Variants in ADD2 observed in about 807,000 individuals in gnomAD.
ADD2 encodes the protein adducin 2, also known as beta-adducin.
Under a neutral mutation model 83.0 loss-of-function variants are expected in ADD2, and 23 were observed. The observed-to-expected ratio is 0.28, with a 90% CI of 0.20 to 0.39. The LOEUF is 0.39. Ranked by LOEUF, ADD2 falls within the 10% of genes least tolerant of loss-of-function variation. The pLI, the probability that ADD2 is intolerant of heterozygous loss-of-function variation, is 1.00. For synonymous variants in ADD2, 375 were observed against 375.4 expected (o/e 1.00, Z 0.01); for missense variants, 758 against 944.9 (o/e 0.80, Z 2.59).
At chr2:70,693,745 A>G (rs782218515) in intron 6 of ADD2, among the ~76,000 whole-genome samples, 9 of 152,130 alleles carry the variant, frequency 5.9e-5, no homozygotes, top group Non-Finnish European at 1.3e-4. Flanking sequence ...CCACTTCCTC[A>G]GACATGTGGC....
chr2:70,694,669 C>T (rs1313958082), intron 6 of ADD2, among the ~76,000 whole-genome samples: 3 of 152,138 alleles, frequency 2.0e-5, no homozygotes, highest in Admixed American at 1.3e-4. Context: ...AGTCTGCTTA[C>T]CCCGCTGGTT....
chr2:70,723,060 CTA>C (rs1273738504), intron 1 of ADD2, among the ~76,000 whole-genome samples: 1 of 152,170 alleles, frequency 6.6e-6, no homozygotes, highest in African/African-American at 2.4e-5. Flanking sequence ...AGGCCCCAAA[CTA>C]TTTCTCTACA....
intron 4 of ADD2, among the ~76,000 whole-genome samples, chr2:70,701,862 C>G (rs1198791037): frequency 6.6e-6 from 1 of 152,066 alleles, no homozygotes; most frequent in Non-Finnish European, 1.5e-5. Flanking sequence ...CTAAACTTCT[C>G]TGATGGATAT....
intron 1 of ADD2, among the ~76,000 whole-genome samples, chr2:70,739,830 T>C (rs184508626): frequency 7.0e-4 from 106 of 152,192 alleles, no homozygotes; most frequent in African/African-American, 2.3e-3. Flanking sequence ...TGAGAACACA[T>C]GGACACAAAG....
intron 1 of ADD2, among the ~76,000 whole-genome samples, chr2:70,763,165 C>T (rs1675204972): frequency 1.3e-5 from 2 of 152,050 alleles, no homozygotes; most frequent in South Asian, 4.1e-4. Context: ...CTCTTCATCT[C>T]TTTCAGTAAC....
intron 1 of ADD2, among the ~76,000 whole-genome samples, chr2:70,713,905 G>A (rs1324443235): frequency 3.9e-5 from 6 of 152,022 alleles, no homozygotes; most frequent in Admixed American, 2.0e-4. Context: ...AGCCCAAGAC[G>A]CAGAAGCAGC....
intron 1 of ADD2, among the ~76,000 whole-genome samples, chr2:70,742,640 T>G (rs1313866802): frequency 6.6e-6 from 1 of 152,036 alleles, no homozygotes; most frequent in Non-Finnish European, 1.5e-5. Context: ...AGAACAACAG[T>G]GAATGAAATA....
chr2:70,674,252 G>A (rs1553367756), intron 14 of ADD2, among the ~76,000 whole-genome samples: 4 of 152,128 alleles, frequency 2.6e-5, no homozygotes, highest in African/African-American at 9.7e-5. Flanking sequence ...CAGAGAGATG[G>A]GCTTCACTCA....
At chr2:70,703,915 T>C (rs1574265035) in intron 4 of ADD2, among the ~76,000 whole-genome samples, 1 of 152,318 alleles carries the variant, frequency 6.6e-6, no homozygotes, top group Non-Finnish European at 1.5e-5. Context: ...TATTTTTTGA[T>C]GCTTGTGTTT....
rs144778680 is a variant in ADD2 at position 70,704,382 on chromosome 2, C to T, written c.261G>A (p.Leu87=). The part of the protein sequence containing the change: ...KGNNSSNIWA[L]RQIADFMAST... ...TGGCCATGAAGTCCGCGATCTGTCG[C>T]AGGGCCCAGATGTTGGAGGAGTTGT... Residue 87 remains leucine (L), a synonymous_variant, in exon 4 of 16, where the codon CTG becomes CTA. Coordinates refer to ENST00000264436, the MANE Select transcript of ADD2 (RefSeq NM_001617.4). The T allele has an allele frequency of 1.6e-5, 26 of 1,613,804 alleles. No homozygotes were observed. Among genetic ancestry groups the T allele is most frequent in the Non-Finnish European group, 2.0e-5 (24 of 1,179,980 alleles).
chr2:70,664,744 TGTGTGG>T (rs1298420824), intron 15 of ADD2, among the ~76,000 whole-genome samples: 1 of 120,224 alleles, frequency 8.3e-6, no homozygotes, highest in East Asian at 1.9e-4. Context: ...TGCAAGTGTG[TGTGTGG>T]GTGTGTGAGG....
intron 4 of ADD2, among the ~76,000 whole-genome samples, 153 bp from the exon 5 acceptor site, chr2:70,696,549 G>A (rs1280586030): frequency 3.3e-5 from 5 of 152,156 alleles, no homozygotes; most frequent in African/African-American, 2.4e-5. Context: ...CCTGGGGCAG[G>A]AGTCCACAGA....
Position 70,672,118 on chromosome 2 carries a change from T to C in ADD2, c.1870+760A>G, listed in dbSNP as rs887414512. On this transcript the variant is annotated intron_variant, in intron 15 of 15. Coordinates refer to ENST00000264436, the MANE Select transcript of ADD2 (RefSeq NM_001617.4). ...TTCACCTACACTTCCCTTATACATA[T>C]ATAAAAAGGGACTATATGAGTAGCC... Among the ~76,000 whole-genome samples the C allele has an allele frequency of 5.3e-5, 8 of 152,212 alleles. No homozygotes were observed. The South Asian group carries it at 8.3e-4, about 16-fold the overall frequency.
At chr2:70,765,423 T>C (rs1675333673) in intron 1 of ADD2, among the ~76,000 whole-genome samples, 2 of 97,038 alleles carry the variant, frequency 2.1e-5, no homozygotes, top group Non-Finnish European at 4.0e-5. Flanking sequence ...TAATGTTTTG[T>C]GTTTTGTGTT....
chr2:70,722,630 A>G (rs540513119), intron 1 of ADD2, among the ~76,000 whole-genome samples: 3 of 152,366 alleles, frequency 2.0e-5, no homozygotes, highest in East Asian at 3.9e-4. Context: ...TGCCCAGTAC[A>G]GTGTCCTGAG....
chr2:70,659,486 G>A lies in ADD2; in HGVS notation c.*3939C>T, dbSNP rs564230923. 1.3e-5 allele frequency: 2 copies of A among 152,320 alleles called. No individual in the cohort carries two copies. The highest frequency in any genetic ancestry group is 2.1e-4 in the South Asian group (1 of 4,830). The allele number at this position is 152,320 out of a possible 1,614,324, so 9.4% of individuals were successfully genotyped here. On this transcript the variant is annotated 3_prime_UTR_variant, in exon 16 of 16. Coordinates refer to ENST00000264436, the MANE Select transcript of ADD2 (RefSeq NM_001617.4). Reference sequence around the variant, plus strand: ...CAGTCTACATGGATCAGTGGCAGAGGGCAGTGCTTTACAGTGGGGTTCTTA... The same window carrying A: ...CAGTCTACATGGATCAGTGGCAGAGAGCAGTGCTTTACAGTGGGGTTCTTA...
At chr2:70,683,800 G>C in intron 9 of ADD2, 33 bp from the exon 10 acceptor site, 1 of 1,592,584 alleles carries the variant, frequency 6.3e-7, no homozygotes. Context: ...CTCAGCCCAT[G>C]TGCACATGGG....
rs139808041 is a variant in ADD2, at chr2:70,688,098, C to T, written c.874G>A (p.Val292Met). ...TCTACCGTGTCACCCAGAGCAACCACTCCATGGTTTCTTAGCACCAGGATC... is the reference window on the plus strand; with the variant it reads ...TCTACCGTGTCACCCAGAGCAACCATTCCATGGTTTCTTAGCACCAGGATC... ...CKILVLRNHG[V>M]VALGDTVEEA... Residue 292 changes from valine (V) to methionine (M), a missense_variant, in exon 9 of 16, where the codon GTG becomes ATG. This residue lies in a region of ADD2 where 394 missense variants were observed against 509.3 expected (regional missense o/e 0.77). Coordinates refer to ENST00000264436, the MANE Select transcript of ADD2 (RefSeq NM_001617.4). The T allele has an allele frequency of 6.2e-7, 1 of 1,614,110 alleles. No homozygotes were observed. The highest frequency in any genetic ancestry group is 8.5e-7 in the Non-Finnish European group (1 of 1,179,944).
At chr2:70,663,798 G>A in intron 15 of ADD2, 63 bp from the exon 16 acceptor site, 1 of 1,495,704 alleles carries the variant, frequency 6.7e-7, no homozygotes, top group African/African-American at 1.4e-5. Flanking sequence ...TCCACCTGGG[G>A]CTAACAGAAC....
Sources: gnomAD v4.1 joint callset for allele counts (sites outside exome capture counted in the v4.1 genomes callset) on GRCh38, gnomAD v4.1.1 for gene constraint, gnomAD v4.1.1 regional missense constraint, MANE v1.5 for transcripts, NCBI Gene and HGNC (gene_info 2026-07-23, HGNC 2026-07-21) for gene names.